The following LRP1B variants were observed in gnomAD, a reference collection of about 807,000 sequenced individuals.
LRP1B encodes the protein low-density lipoprotein receptor-related protein 1B.
LRP1B carries 217 observed loss-of-function variants against 556.6 expected under a neutral mutation model. The ratio of observed to expected loss-of-function variants is 0.39; its 90% CI spans 0.35 to 0.44. The LOEUF (loss-of-function observed/expected upper bound fraction) is 0.44, where lower values mean the gene tolerates loss of function less well. Ranked by LOEUF, LRP1B falls within the 20% of genes least tolerant of loss-of-function variation. The pLI, the probability that LRP1B is intolerant of heterozygous loss-of-function variation, is 1.00. For missense variants in LRP1B, 5,053 were observed against 5,620.8 expected (o/e 0.90, Z 3.23); for synonymous variants, 2,047 against 1,865.8 (o/e 1.10, Z -2.50).
intron 2 of LRP1B, among the ~76,000 whole-genome samples, chr2:141,624,809 A>T (rs1688643659): frequency 6.6e-6 from 1 of 151,964 alleles, no homozygotes; most frequent in Non-Finnish European, 1.5e-5. Flanking sequence ...TCGCGCTGTC[A>T]CCCATGCTGG....
At chr2:141,511,669 G>T (rs1684136935) in intron 2 of LRP1B, among the ~76,000 whole-genome samples, 1 of 152,132 alleles carries the variant, frequency 6.6e-6, no homozygotes, top group South Asian at 2.1e-4. Context: ...AAAACCTTGT[G>T]TGCTTGCTCA....
intron 2 of LRP1B, among the ~76,000 whole-genome samples, chr2:141,759,863 C>T (rs16847060): frequency 0.06 from 9,197 of 152,022 alleles, 317 homozygotes; most frequent in Admixed American, 0.1. Flanking sequence ...TGAATATTGG[C>T]GAGGCACCTG....
In LRP1B at chr2:140,485,333, T is replaced by G. The variant is rs1274075398; in HGVS notation, c.9425+10A>C. On this transcript the variant is annotated intron_variant, in intron 59 of 90. Transcript: ENST00000389484. ...CTTAAACTTTAAGATTTTTAACAGT[T>G]TTTACAAACCCAGCTTGAGGATCTA... The G allele has an allele frequency of 6.2e-7, 1 of 1,604,032 alleles. No homozygotes were observed. Among genetic ancestry groups the G allele is most frequent in the Admixed American group, 1.7e-5 (1 of 57,992 alleles).
At chr2:140,366,274 T>A (rs577988968) in intron 71 of LRP1B, among the ~76,000 whole-genome samples, 1 of 151,826 alleles carries the variant, frequency 6.6e-6, no homozygotes, top group South Asian at 2.1e-4. Flanking sequence ...GCTAAATAGA[T>A]GAGAGTGGCA....
At position 141,336,908 on chromosome 2, in the gene LRP1B, TA is replaced by T. The variant is rs547210464; in HGVS notation, c.344-82268del. 4.1e-4 allele frequency among the ~76,000 whole-genome samples: 63 copies of T among 152,324 alleles called. 1 individual carries two copies. The South Asian group carries it at 7.0e-3, about 17-fold the overall frequency. On this transcript the variant is annotated intron_variant, in intron 3 of 90. Coordinates refer to ENST00000389484, the MANE Select transcript of LRP1B (RefSeq NM_018557.3). Reference sequence around the variant, plus strand: ...TACTTTTATTTGTTGAGTAGAATTCTATTACATGGATGTGCCACTATTGGTT... The same window carrying T: ...TACTTTTATTTGTTGAGTAGAATTCTTTACATGGATGTGCCACTATTGGTT...
At chr2:140,989,142 C>T (rs1341480450) in intron 17 of LRP1B, among the ~76,000 whole-genome samples, 2 of 151,832 alleles carry the variant, frequency 1.3e-5, no homozygotes, top group Non-Finnish European at 2.9e-5. Context: ...CTATAGTAGA[C>T]TAAATAAAAT....
intron 41 of LRP1B, among the ~76,000 whole-genome samples, chr2:140,616,404 A>G (rs1272886902): frequency 6.6e-6 from 1 of 151,814 alleles, no homozygotes; most frequent in Non-Finnish European, 1.5e-5. Context: ...TCCTTATTCA[A>G]TCTATAGTTG....
chr2:141,779,492 T>C lies in LRP1B; in HGVS notation c.205+30787A>G, dbSNP rs2105635343. 2.0e-5 allele frequency among the ~76,000 whole-genome samples: 3 copies of C among 150,134 alleles called. No homozygotes were observed. The South Asian group carries it at 6.4e-4, about 32-fold the overall frequency. On this transcript the variant is annotated intron_variant, in intron 2 of 90. Transcript: ENST00000389484. ...TGGCATGAAGTGGAGCAATCTCAGC[T>C]CACTGCAACCTCTGCCCAGGTTCAA... is the stretch of plus-strand genomic sequence containing the variant.
intron 7 of LRP1B, among the ~76,000 whole-genome samples, chr2:141,169,394 G>A (rs1574148772): frequency 6.6e-6 from 1 of 151,876 alleles, no homozygotes; most frequent in Non-Finnish European, 1.5e-5. Flanking sequence ...TTAGCAACAA[G>A]TTTTGGAATT....
At chr2:141,341,914 C>T (rs2105517807) in intron 3 of LRP1B, among the ~76,000 whole-genome samples, 1 of 152,146 alleles carries the variant, frequency 6.6e-6, no homozygotes, top group African/African-American at 2.4e-5. Context: ...GCATCATTAT[C>T]CTGCATAATC....
chr2:141,862,605 C>G (rs975538052), intron 1 of LRP1B, among the ~76,000 whole-genome samples: 5 of 152,124 alleles, frequency 3.3e-5, no homozygotes, highest in Non-Finnish European at 5.9e-5. Flanking sequence ...GACGGGGTTT[C>G]AACATATTGG....
At chr2:140,579,348 G>A (rs1487884287) in intron 43 of LRP1B, among the ~76,000 whole-genome samples, 2 of 148,610 alleles carry the variant, frequency 1.3e-5, no homozygotes, top group Non-Finnish European at 3.0e-5. Context: ...GATCTGAAAG[G>A]ATAATACAAC....
chr2:140,903,692 T>TA (rs1173126646), intron 22 of LRP1B, among the ~76,000 whole-genome samples: 1 of 152,060 alleles, frequency 6.6e-6, no homozygotes, highest in Non-Finnish European at 1.5e-5. Context: ...TGGATTACTT[T>TA]ATCCTTTACC....
intron 41 of LRP1B, among the ~76,000 whole-genome samples, chr2:140,623,845 G>C (rs1683545505): frequency 6.6e-6 from 1 of 151,260 alleles, no homozygotes; most frequent in Admixed American, 6.6e-5. Context: ...CTTGAGCCTG[G>C]GAGGCGGAGG....
rs370340039 is a variant in LRP1B, at chr2:140,969,381, T to C, written c.2887+12779A>G. Among the ~76,000 whole-genome samples, 6 of 152,326 alleles carry C rather than the reference T, an allele frequency of 3.9e-5. 1 individual carries two copies. In the East Asian group the frequency reaches 5.8e-4, roughly 15 times the overall value. On this transcript the variant is annotated intron_variant, in intron 18 of 90. Coordinates refer to ENST00000389484, the MANE Select transcript of LRP1B (RefSeq NM_018557.3). Reference sequence around the variant, plus strand: ...CTTTTTTTGTTTTCCATTTGCTTGGTAGATCTTCCTCCATCCCTTTATTTT... The same window carrying C: ...CTTTTTTTGTTTTCCATTTGCTTGGCAGATCTTCCTCCATCCCTTTATTTT...
At chr2:141,316,617 A>G (rs1687044601) in intron 3 of LRP1B, among the ~76,000 whole-genome samples, 1 of 152,210 alleles carries the variant, frequency 6.6e-6, no homozygotes, top group Non-Finnish European at 1.5e-5. Flanking sequence ...AGTTGAGGAA[A>G]AAGTGCCACA....
At chr2:140,504,687 G>A (rs1055950293) in intron 53 of LRP1B, among the ~76,000 whole-genome samples, 1 of 152,224 alleles carries the variant, frequency 6.6e-6, no homozygotes, top group Non-Finnish European at 1.5e-5. Context: ...TTCATTAACA[G>A]CAGCACCAAT....
intron 3 of LRP1B, among the ~76,000 whole-genome samples, chr2:141,290,249 T>A (rs1377111631): frequency 6.6e-6 from 1 of 152,176 alleles, no homozygotes; most frequent in Non-Finnish European, 1.5e-5. Context: ...ATGGAGGATT[T>A]AACAAATTAG....
chr2:141,250,153 G>C (rs1352781075), intron 4 of LRP1B, among the ~76,000 whole-genome samples: 1 of 152,228 alleles, frequency 6.6e-6, no homozygotes, highest in Non-Finnish European at 1.5e-5. Context: ...GCTTGGCACA[G>C]AGCTCCTAAA....
Sources: gnomAD v4.1 joint callset for allele counts (sites outside exome capture counted in the v4.1 genomes callset) on GRCh38, gnomAD v4.1.1 for gene constraint, MANE v1.5 for transcripts, NCBI Gene and HGNC (gene_info 2026-07-23, HGNC 2026-07-21) for gene names.